The following ATP8B4 variants were observed in gnomAD, a reference collection of about 807,000 sequenced individuals.
ATP8B4 encodes the protein probable phospholipid-transporting ATPase IM.
A neutral mutation model predicts 145.6 loss-of-function variants in ATP8B4; 133 were observed. The ratio of observed to expected loss-of-function variants is 0.91; its 90% CI spans 0.79 to 1.05. The LOEUF is 1.05. Ranked by LOEUF, ATP8B4 falls within the 50% of genes least tolerant of loss-of-function variation. The pLI is 0.00. For missense variants in ATP8B4, 1,458 were observed against 1,425.2 expected (o/e 1.02, Z -0.37); for synonymous variants, 507 against 492.9 (o/e 1.03, Z -0.38).
chr15:50,084,504 C>T (rs979920323), intron 2 of ATP8B4, among the ~76,000 whole-genome samples: 1 of 152,162 alleles, frequency 6.6e-6, no homozygotes, highest in African/African-American at 2.4e-5. Context: ...ATGCTTCTGC[C>T]CCTTCGCCCT....
intron 12 of ATP8B4, among the ~76,000 whole-genome samples, chr15:49,974,847 T>A (rs1339958151): frequency 2.0e-5 from 3 of 152,212 alleles, no homozygotes; most frequent in Admixed American, 6.5e-5. Flanking sequence ...TAAGCTGGGA[T>A]GCTTTCTGTG....
intron 3 of ATP8B4, among the ~76,000 whole-genome samples, chr15:50,063,086 A>T (rs1381151896): frequency 7.8e-6 from 1 of 127,880 alleles, no homozygotes; most frequent in Non-Finnish European, 1.7e-5. Context: ...AGATGTCTTT[A>T]AAAAAAAAAA....
intron 20 of ATP8B4, among the ~76,000 whole-genome samples, chr15:49,915,876 G>A (rs1190053247): frequency 2.0e-5 from 3 of 151,190 alleles, no homozygotes; most frequent in Non-Finnish European, 4.4e-5. Context: ...CGAGAGGCTG[G>A]GAGATTCGTG....
At chr15:50,100,300 C>T (rs554585586) in intron 2 of ATP8B4, among the ~76,000 whole-genome samples, 15 of 152,220 alleles carry the variant, frequency 9.9e-5, no homozygotes, top group Non-Finnish European at 1.9e-4. Context: ...TCTGACAACT[C>T]CAGGCTGATT....
intron 20 of ATP8B4, among the ~76,000 whole-genome samples, chr15:49,908,591 G>C (rs2038881399): frequency 6.6e-6 from 1 of 152,182 alleles, no homozygotes; most frequent in Non-Finnish European, 1.5e-5. Context: ...TGAAGACAAG[G>C]CAGTGCCATT....
intron 1 of ATP8B4, among the ~76,000 whole-genome samples, chr15:50,163,049 G>T (rs1292374579): frequency 2.0e-5 from 3 of 152,092 alleles, no homozygotes; most frequent in African/African-American, 7.2e-5. Flanking sequence ...TTCCATTAAG[G>T]TTTCTCAAAA....
At chr15:49,933,815 A>G (rs141696793) in intron 15 of ATP8B4, among the ~76,000 whole-genome samples, 16 of 152,110 alleles carry the variant, frequency 1.1e-4, no homozygotes, top group African/African-American at 3.9e-4. Flanking sequence ...CATTTTTTCA[A>G]AACATATGGG....
At position 49,981,336 on chromosome 15, in the gene ATP8B4, A is replaced by T; in HGVS notation, c.749-42T>A. The T allele has an allele frequency of 2.1e-6, 3 of 1,426,402 alleles. No individual in the cohort carries two copies. The East Asian group carries it at 6.9e-5, about 33-fold the overall frequency. The allele number at this position is 1,426,402 out of a possible 1,614,324, so 88.4% of individuals were successfully genotyped here. On this transcript the variant is annotated intron_variant, in intron 10 of 27. Coordinates refer to ENST00000284509, the MANE Select transcript of ATP8B4 (RefSeq NM_024837.4). ...AAGTAAATAACTTTGAAATGATATG[A>T]TTATGTATTCTTATTAATGCTCATA... is the stretch of plus-strand genomic sequence containing the variant.
rs1239386613 is a variant in ATP8B4 at position 50,002,144 on chromosome 15, A to G, written c.506+9T>C. On this transcript the variant is annotated intron_variant, in intron 8 of 27. Coordinates refer to ENST00000284509, the MANE Select transcript of ATP8B4 (RefSeq NM_024837.4). ...AACCAACCAAATTATTCTAATTTTA[A>G]TAACTTACCCATCAAGCTCAGCAGT... 2 of 1,594,052 alleles carry G rather than the reference A, an allele frequency of 1.3e-6. No individual in the cohort carries two copies. The highest frequency in any genetic ancestry group is 2.2e-5 in the South Asian group (2 of 89,668).
chr15:49,922,845 T>C (rs1202608114), intron 17 of ATP8B4, among the ~76,000 whole-genome samples: 3 of 152,202 alleles, frequency 2.0e-5, no homozygotes, highest in Non-Finnish European at 2.9e-5. Context: ...TATACAAGTT[T>C]GGTGTCTGAG....
At chr15:49,875,338 CT>C (rs1241250992) in intron 25 of ATP8B4, among the ~76,000 whole-genome samples, 1 of 152,176 alleles carries the variant, frequency 6.6e-6, no homozygotes, top group African/African-American at 2.4e-5. Flanking sequence ...GGTGAATCAG[CT>C]GTTACCACTA....
chr15:50,057,392 T>C (rs147854875), intron 3 of ATP8B4, among the ~76,000 whole-genome samples: 1 of 152,356 alleles, frequency 6.6e-6, no homozygotes, highest in African/African-American at 2.4e-5. Context: ...TACAATCCTG[T>C]GTTCTCCCAA....
chr15:49,978,562 G>C (rs2045871487), intron 12 of ATP8B4, among the ~76,000 whole-genome samples: 1 of 152,026 alleles, frequency 6.6e-6, no homozygotes, highest in African/African-American at 2.4e-5. Flanking sequence ...AAAATAAGTG[G>C]GGATTTGGAG....
At chr15:50,066,009 A>C (rs2053358254) in intron 3 of ATP8B4, among the ~76,000 whole-genome samples, 1 of 151,810 alleles carries the variant, frequency 6.6e-6, no homozygotes, top group Non-Finnish European at 1.5e-5. Flanking sequence ...GCCAGAAAAA[A>C]AAAAAAAAAG....
rs1595573498 is a variant in ATP8B4 at position 50,107,032 on chromosome 15, T to C, written c.-42-24A>G. 12 of 1,445,340 alleles carry C rather than the reference T, an allele frequency of 8.3e-6. No homozygotes were observed. The East Asian group carries it at 2.7e-4, about 32-fold the overall frequency. The allele number at this position is 1,445,340 out of a possible 1,614,324, so 89.5% of individuals were successfully genotyped here. ...ACCTAAGAAAAAGAAGTATGCATATTAGTATCTGAAAAATGCACAATAACT... is the reference window on the plus strand; with the variant it reads ...ACCTAAGAAAAAGAAGTATGCATATCAGTATCTGAAAAATGCACAATAACT... On this transcript the variant is annotated intron_variant, in intron 1 of 27. Transcript: ENST00000284509.
intron 4 of ATP8B4, among the ~76,000 whole-genome samples, chr15:50,046,745 T>C (rs1409810835): frequency 1.3e-5 from 2 of 152,218 alleles, no homozygotes; most frequent in Non-Finnish European, 2.9e-5. Flanking sequence ...AGTATATATG[T>C]AGCTTCCTTG....
At chr15:50,160,829 G>A (rs2044507366) in intron 1 of ATP8B4, among the ~76,000 whole-genome samples, 2 of 152,004 alleles carry the variant, frequency 1.3e-5, no homozygotes, top group African/African-American at 4.8e-5. Flanking sequence ...GTGCTAAGGA[G>A]AAGGACTGTA....
chr15:50,170,446 T>C (rs2044654073), intron 1 of ATP8B4, among the ~76,000 whole-genome samples: 1 of 151,882 alleles, frequency 6.6e-6, no homozygotes, highest in East Asian at 1.9e-4. Flanking sequence ...GAAGGAAAGA[T>C]ACAGTTGTTT....
intron 12 of ATP8B4, 39 bp from the exon 13 acceptor site, chr15:49,972,829 C>A (rs779770421): frequency 1.3e-6 from 2 of 1,586,838 alleles, no homozygotes; most frequent in Non-Finnish European, 8.6e-7. Context: ...AAGAAATGCT[C>A]CATTAATTTC....
Sources: allele counts gnomAD v4.1 joint callset (sites outside exome capture counted in the v4.1 genomes callset), GRCh38; gene constraint gnomAD v4.1.1; transcripts MANE v1.5; gene names NCBI Gene and HGNC (gene_info 2026-07-23, HGNC 2026-07-21).